The following LGI2 variants were observed in gnomAD, a reference collection of about 807,000 sequenced individuals.
The protein encoded by LGI2 is leucine rich repeat LGI family member 2.
In LGI2, 30 loss-of-function variants were observed where a neutral mutation model predicts 52.0. The ratio of observed to expected loss-of-function variants is 0.58; its 90% CI spans 0.43 to 0.78. The LOEUF is 0.78. Among genes scored for constraint, LGI2 ranks in the 30% least tolerant of loss-of-function variants. The pLI, the probability that LGI2 is intolerant of heterozygous loss-of-function variation, is 0.00. For synonymous variants in LGI2, 270 were observed against 271.8 expected (o/e 0.99, Z 0.06); for missense variants, 573 against 692.5 (o/e 0.83, Z 1.94).
At chr4:25,006,610 A>T (rs1392968635) in intron 7 of LGI2, among the ~76,000 whole-genome samples, 2 of 152,234 alleles carry the variant, frequency 1.3e-5, no homozygotes, top group African/African-American at 2.4e-5. Context: ...AATGTTTACC[A>T]GAGCAAATTT....
intron 2 of LGI2, among the ~76,000 whole-genome samples, chr4:25,027,448 G>A (rs926956491): frequency 1.3e-5 from 2 of 150,354 alleles, no homozygotes; most frequent in African/African-American, 2.5e-5. Flanking sequence ...CTGTTACTAC[G>A]TAGTTTTCTA....
At chr4:24,994,312 G>A (rs1724992155), downstream of LGI2, among the ~76,000 whole-genome samples, 1 of 152,160 alleles carries the variant, frequency 6.6e-6, no homozygotes, top group South Asian at 2.1e-4. Context: ...ACAGAGTTAG[G>A]GAACAGGGAG....
intron 1 of LGI2, among the ~76,000 whole-genome samples, chr4:25,029,885 C>G (rs1351034039): frequency 6.6e-6 from 1 of 152,174 alleles, no homozygotes; most frequent in Non-Finnish European, 1.5e-5. Flanking sequence ...CCACGGGGGG[C>G]GGCCCCTCCC....
intron 6 of LGI2, 91 bp from the exon 7 acceptor site, chr4:25,012,590 T>G: frequency 5.2e-6 from 7 of 1,341,912 alleles, no homozygotes; most frequent in Non-Finnish European, 7.3e-6. Context: ...ACATCAGCTC[T>G]GAAAAGGACT....
intron 6 of LGI2, 86 bp downstream of exon 6, chr4:25,017,903 T>G (rs1560291958): frequency 8.3e-7 from 1 of 1,207,134 alleles, no homozygotes; most frequent in Non-Finnish European, 1.1e-6. Flanking sequence ...CTATATTCAC[T>G]TTTCCCCAGT....
chr4:25,009,220 T>C (rs953329084), intron 7 of LGI2, among the ~76,000 whole-genome samples: 1 of 152,198 alleles, frequency 6.6e-6, no homozygotes, highest in Non-Finnish European at 1.5e-5. Flanking sequence ...TTTGGACTCA[T>C]CAACTGCAAC....
At chr4:25,008,859 T>G (rs1725477335) in intron 7 of LGI2, among the ~76,000 whole-genome samples, 1 of 152,090 alleles carries the variant, frequency 6.6e-6, no homozygotes, top group Admixed American at 6.5e-5. Context: ...GGCTGAGGAA[T>G]CTTTGGAAAC....
At chr4:25,030,426 A>T in intron 1 of LGI2, 71 bp downstream of exon 1, 3 of 1,445,038 alleles carry the variant, frequency 2.1e-6, no homozygotes, top group Non-Finnish European at 1.9e-6. Context: ...CCGGCGCCAG[A>T]GGCAACTCCC....
At chr4:25,026,244 A>G (rs185929345) in intron 3 of LGI2, among the ~76,000 whole-genome samples, 215 of 152,116 alleles carry the variant, frequency 1.4e-3, no homozygotes, top group African/African-American at 5.0e-3. Flanking sequence ...TACCAAAGAC[A>G]AGGATGAAAG....
At chr4:25,009,352 C>A (rs887342958) in intron 7 of LGI2, among the ~76,000 whole-genome samples, 5 of 152,148 alleles carry the variant, frequency 3.3e-5, no homozygotes, top group South Asian at 2.1e-4. Flanking sequence ...GCTCTTCCCC[C>A]CTCTCCATGC....
At chr4:24,994,393 G>T (rs1577536761), downstream of LGI2, among the ~76,000 whole-genome samples, 2 of 152,172 alleles carry the variant, frequency 1.3e-5, no homozygotes, top group Admixed American at 6.5e-5. Flanking sequence ...TTAGAGAAAA[G>T]GCTTGATTCC....
chr4:24,996,118 C>A (rs1725069312), downstream of LGI2, among the ~76,000 whole-genome samples: 1 of 152,124 alleles, frequency 6.6e-6, no homozygotes, highest in Non-Finnish European at 1.5e-5. Flanking sequence ...CCGTAAAGAT[C>A]AGAATTAATA....
Position 25,030,514 on chromosome 4 carries a change from C to A in LGI2, c.180G>T (p.Pro60=). The change falls in exon 1 of 8, where the codon CCG becomes CCT. Residue 60 remains proline (P), a synonymous_variant. Coordinates refer to ENST00000382114, the MANE Select transcript of LGI2 (RefSeq NM_018176.4). ...CCACTCACAGGGAGCTGATGTCGCC[C>A]GGCACGATCCTGGGCACCCAGGAAG... ...VGSSWVPRIV[P]GDISSLSLVN... is the part of the protein sequence containing the mutation. 6.3e-7 allele frequency: 1 copy of A among 1,592,976 alleles called. No homozygotes were observed. Among genetic ancestry groups the A allele is most frequent in the South Asian group, 1.1e-5 (1 of 87,206 alleles).
intron 6 of LGI2, among the ~76,000 whole-genome samples, chr4:25,016,800 C>A (rs555370640): frequency 1.7e-4 from 26 of 152,136 alleles, no homozygotes; most frequent in Non-Finnish European, 4.4e-5. Flanking sequence ...GTTTCTGTAA[C>A]TATTTTCTGT....
downstream of LGI2, among the ~76,000 whole-genome samples, chr4:24,997,108 T>C (rs1000317664): frequency 1.3e-5 from 2 of 152,216 alleles, no homozygotes; most frequent in African/African-American, 4.8e-5. Flanking sequence ...TCAGCTTTGC[T>C]GCCAATTTGT....
intron 4 of LGI2, among the ~76,000 whole-genome samples, chr4:25,021,302 C>CT (rs1725949443): frequency 6.6e-6 from 1 of 152,196 alleles, no homozygotes; most frequent in Non-Finnish European, 1.5e-5. Flanking sequence ...GTCCCTTGGG[C>CT]TTCATGGGAC....
chr4:25,001,434 G>T lies in LGI2; in HGVS notation c.*2017C>A, dbSNP rs1244075210. On this transcript the variant is annotated 3_prime_UTR_variant, in exon 8 of 8. Transcript: ENST00000382114. ...CATTTTTCTGCCCAGGTTTATCTGAGTGGTTCCATGCAACAGAAAGAATAG... is the reference window on the plus strand; with the variant it reads ...CATTTTTCTGCCCAGGTTTATCTGATTGGTTCCATGCAACAGAAAGAATAG... 6.6e-6 allele frequency: 1 copy of T among 152,168 alleles called. No individual in the cohort carries two copies. The highest frequency in any genetic ancestry group is 1.5e-5 in the Non-Finnish European group (1 of 68,046). 9.4% of individuals were successfully genotyped at this position (152,168 alleles called of 1,614,324 possible).
At chr4:25,021,567 G>T (rs552740357) in intron 4 of LGI2, among the ~76,000 whole-genome samples, 2 of 152,166 alleles carry the variant, frequency 1.3e-5, no homozygotes, top group Non-Finnish European at 2.9e-5. Context: ...GAGGTGAATT[G>T]ATTCATTCTT....
In LGI2 at chr4:25,003,830, A is replaced by G; in HGVS notation, c.1259T>C (p.Val420Ala). The G allele has an allele frequency of 6.2e-7, 1 of 1,614,210 alleles. No homozygotes were observed. Among genetic ancestry groups the G allele is most frequent in the South Asian group, 1.1e-5 (1 of 91,086 alleles). The change falls in exon 8 of 8, where the codon GTA (valine) becomes GCA (alanine). Residue 420 changes from valine (V) to alanine (A), a missense_variant. Val to Ala is a moderately conservative substitution (Grantham distance 64). Transcript: ENST00000382114. ...PHGDIPNMED[V>A]LAVKSFRMQN... ...CATTCGGAAGCTCTTCACAGCCAGT[A>G]CGTCCTCCATGTTGGGGATGTCACC...
Sources: allele counts gnomAD v4.1 joint callset (sites outside exome capture counted in the v4.1 genomes callset), GRCh38; gene constraint gnomAD v4.1.1; transcripts MANE v1.5; gene names NCBI Gene and HGNC (gene_info 2026-07-23, HGNC 2026-07-21).